The following ZNF704 variants were observed in gnomAD, a reference collection of about 807,000 sequenced individuals.
ZNF704 encodes zinc finger protein 704.
A neutral mutation model predicts 44.7 loss-of-function variants in ZNF704; 10 were observed. That is an observed-to-expected ratio of 0.22 (90% CI 0.14 to 0.38). The LOEUF (loss-of-function observed/expected upper bound fraction) is 0.38. Ranked by LOEUF, ZNF704 falls within the 10% of genes least tolerant of loss-of-function variation. The pLI is 1.00. For missense variants in ZNF704, 390 were observed against 545.5 expected, an observed-to-expected ratio of 0.71 and a Z score of 2.84; for synonymous variants, 211 against 207.6, an observed-to-expected ratio of 1.02 and a Z score of -0.14.
At chr8:80,744,550 C>T (rs1048076041) in intron 2 of ZNF704, among the ~76,000 whole-genome samples, 35 of 152,050 alleles carry the variant, frequency 2.3e-4, no homozygotes, top group Admixed American at 5.9e-4. Context: ...TTTCAAATAT[C>T]CATTCAAAAA....
chr8:80,695,443 C>CT (rs1818710113), intron 2 of ZNF704, among the ~76,000 whole-genome samples: 1 of 152,196 alleles, frequency 6.6e-6, no homozygotes, highest in South Asian at 2.1e-4. Context: ...GATAGGAGGC[C>CT]CGTGCACCTG....
intron 5 of ZNF704, among the ~76,000 whole-genome samples, chr8:80,669,526 T>C (rs1365030609): frequency 6.6e-6 from 1 of 152,240 alleles, no homozygotes; most frequent in African/African-American, 2.4e-5. Flanking sequence ...ATGGTCACTA[T>C]GGAGCCACCC....
chr8:80,882,540 T>G, the ZNF704 span, among the ~76,000 whole-genome samples: 1 of 152,216 alleles, frequency 6.6e-6, no homozygotes. Flanking sequence ...TTCTCTAGCT[T>G]TGTTGTTCAA....
chr8:80,672,956 T>A (rs1464219164), intron 4 of ZNF704, among the ~76,000 whole-genome samples: 1 of 152,158 alleles, frequency 6.6e-6, no homozygotes, highest in Non-Finnish European at 1.5e-5. Flanking sequence ...TACGGCAATA[T>A]GCATACTCTC....
intron 1 of ZNF704, among the ~76,000 whole-genome samples, chr8:80,836,747 C>T (rs921677838): frequency 5.3e-5 from 8 of 152,172 alleles, no homozygotes; most frequent in Admixed American, 3.9e-4. Flanking sequence ...TAAGATCACA[C>T]CACTGCACTC....
Position 80,649,849 on chromosome 8 carries a change from A to G in ZNF704, c.1033-6720T>C, listed in dbSNP as rs570272952. ...CCAGCACGCAGCTGGAGATCTGAGG[A>G]CGGACAGACTGCCTCCTCAAGTGGG... On this transcript the variant is annotated intron_variant, in intron 7 of 8. Transcript: ENST00000327835. Among the ~76,000 whole-genome samples the G allele has an allele frequency of 3.3e-5, 5 of 152,338 alleles. No individual in the cohort carries two copies. In the East Asian group the frequency reaches 9.7e-4, roughly 29 times the overall value.
chr8:80,821,474 T>C lies in ZNF704; in HGVS notation c.121A>G (p.Ser41Gly), dbSNP rs765593977. 6.1e-5 allele frequency: 98 copies of C among 1,614,074 alleles called. No individual in the cohort carries two copies. The highest frequency in any genetic ancestry group is 6.7e-5 in the Non-Finnish European group (79 of 1,180,018). Residue 41 changes from serine to glycine, a missense_variant, in exon 2 of 9, where the codon AGC (serine) becomes GGC (glycine). Physicochemically the swap from Ser to Gly is moderately conservative, Grantham distance 56. Around this residue, in one of 3 missense-constraint regions of ZNF704, gnomAD observed 80 missense variants for 83.7 expected, o/e 0.96. Transcript: ENST00000327835. ...TCTTTTTCATGGTCAAGGATCCGGC[T>C]GGCTTTTTTGGTGTCTGCTGTTTTC... Reference protein sequence around the residue: ...DVKTADTKKASRILDHEKENT... With the variant: ...DVKTADTKKAGRILDHEKENT...
upstream of ZNF704, among the ~76,000 whole-genome samples, chr8:80,878,039 C>T (rs1248410284): frequency 1.3e-5 from 2 of 152,058 alleles, no homozygotes; most frequent in East Asian, 1.9e-4. Flanking sequence ...ATCCATTCTC[C>T]CCTACTGTCC....
intron 1 of ZNF704, among the ~76,000 whole-genome samples, chr8:80,835,105 A>C (rs1179734147): frequency 1.3e-5 from 2 of 152,228 alleles, no homozygotes; most frequent in Admixed American, 1.3e-4. Flanking sequence ...AAAAGTTGGT[A>C]GTGGAAGACT....
intron 5 of ZNF704, among the ~76,000 whole-genome samples, chr8:80,665,676 C>G (rs1380593104): frequency 1.3e-5 from 2 of 151,886 alleles, no homozygotes; most frequent in Non-Finnish European, 2.9e-5. Flanking sequence ...CATTCAACCT[C>G]TGAAAACAGA....
At chr8:80,832,288 C>A (rs1041845967) in intron 1 of ZNF704, among the ~76,000 whole-genome samples, 1 of 151,950 alleles carries the variant, frequency 6.6e-6, no homozygotes, top group Non-Finnish European at 1.5e-5. Context: ...TTTGTAAATT[C>A]GATGCAACTT....
intron 7 of ZNF704, among the ~76,000 whole-genome samples, chr8:80,644,611 A>G (rs572458896): frequency 6.6e-6 from 1 of 152,336 alleles, no homozygotes; most frequent in South Asian, 2.1e-4. Flanking sequence ...GCAAGTTTAC[A>G]TGATCCCTGT....
intron 5 of ZNF704, among the ~76,000 whole-genome samples, chr8:80,670,104 C>T (rs1193045952): frequency 6.6e-6 from 1 of 152,166 alleles, no homozygotes; most frequent in Non-Finnish European, 1.5e-5. Context: ...TCAGTGGGTT[C>T]AAGGACCCCT....
At chr8:80,773,162 C>T (rs936167457) in intron 2 of ZNF704, among the ~76,000 whole-genome samples, 1 of 152,004 alleles carries the variant, frequency 6.6e-6, no homozygotes, top group Admixed American at 6.6e-5. Flanking sequence ...GTATTAAGGC[C>T]CATGGTATGG....
chr8:80,725,748 G>A (rs979396262), intron 2 of ZNF704, among the ~76,000 whole-genome samples: 2 of 152,076 alleles, frequency 1.3e-5, no homozygotes, highest in Non-Finnish European at 2.9e-5. Context: ...TGTCTCCCTG[G>A]GGGCTTACTG....
intron 4 of ZNF704, among the ~76,000 whole-genome samples, chr8:80,672,915 A>T (rs886857988): frequency 5.9e-5 from 9 of 152,090 alleles, no homozygotes. Context: ...TCTAAAATAA[A>T]AGTTGAACTT....
rs187821879 is a variant in ZNF704 at position 80,770,106 on chromosome 8, C to A, written c.221+51268G>T. On this transcript the variant is annotated intron_variant, in intron 2 of 8. Coordinates refer to ENST00000327835, the MANE Select transcript of ZNF704 (RefSeq NM_001033723.3). ...ATGAGAACAGCACAGGAAAGACCTG[C>A]CCCCATGATTCAATTACCTCTCACC... Among the ~76,000 whole-genome samples, 13 of 152,246 alleles carry A rather than the reference C, an allele frequency of 8.5e-5. No homozygotes were observed. In the East Asian group the frequency reaches 2.5e-3, roughly 29 times the overall value.
In ZNF704 at chr8:80,628,572, T is replaced by C. The variant is rs2131576027; in HGVS notation, c.*12794A>G. The C allele has an allele frequency of 6.6e-6, 1 of 152,348 alleles. No individual in the cohort carries two copies. The highest frequency in any genetic ancestry group is 2.4e-5 in the African/African-American group (1 of 41,576). 9.4% of individuals were successfully genotyped at this position (152,348 alleles called of 1,614,324 possible). A position where few individuals can be genotyped will look rare whatever the true frequency, so the allele number is the denominator to read the frequency against. ...CACTGTAGAAGTCAAAATGGTCTTT[T>C]GAAAGTCCAGTGTTCTGGCTCTGTT... is the stretch of plus-strand genomic sequence containing the variant. On this transcript the variant is annotated 3_prime_UTR_variant, in exon 9 of 9. Coordinates refer to ENST00000327835, the MANE Select transcript of ZNF704 (RefSeq NM_001033723.3).
chr8:80,808,045 G>T (rs1808019568), intron 2 of ZNF704, among the ~76,000 whole-genome samples: 1 of 152,170 alleles, frequency 6.6e-6, no homozygotes, highest in Non-Finnish European at 1.5e-5. Flanking sequence ...TGGCTACAAG[G>T]CTAGTTCCTG....
Sources: gnomAD v4.1 joint callset for allele counts (sites outside exome capture counted in the v4.1 genomes callset) on GRCh38, gnomAD v4.1.1 for gene constraint, gnomAD v4.1.1 regional missense constraint, MANE v1.5 for transcripts, NCBI Gene and HGNC (gene_info 2026-07-23, HGNC 2026-07-21) for gene names.